HUNK: variants seen among roughly 807,000 people sequenced by gnomAD.
The protein encoded by HUNK is hormonally up-regulated Neu-associated kinase.
HUNK carries 21 observed loss-of-function variants against 61.0 expected under a neutral mutation model. The ratio of observed to expected loss-of-function variants is 0.34; its 90% CI spans 0.24 to 0.50. HUNK has a LOEUF of 0.50. Among genes scored for constraint, HUNK ranks in the 20% least tolerant of loss-of-function variants. The pLI is 0.98. For missense variants in HUNK, 772 were observed against 945.7 expected, an observed-to-expected ratio of 0.82 and a Z score of 2.41; for synonymous variants, 371 against 386.1, an observed-to-expected ratio of 0.96 and a Z score of 0.46.
intron 2 of HUNK, among the ~76,000 whole-genome samples, chr21:31,937,526 C>T (rs2052740555): frequency 6.6e-6 from 1 of 152,154 alleles, no homozygotes; most frequent in Non-Finnish European, 1.5e-5. Context: ...TTTAAAAATA[C>T]TTTATCTCAA....
At chr21:31,996,512 G>C (rs1172853030) in intron 10 of HUNK, among the ~76,000 whole-genome samples, 2 of 152,164 alleles carry the variant, frequency 1.3e-5, no homozygotes, top group Non-Finnish European at 2.9e-5. Flanking sequence ...GCCCATCACA[G>C]ATAACTGACA....
At chr21:31,951,870 G>T (rs1207659086) in intron 4 of HUNK, among the ~76,000 whole-genome samples, 1 of 152,244 alleles carries the variant, frequency 6.6e-6, no homozygotes, top group Non-Finnish European at 1.5e-5. Context: ...GATGGTATTA[G>T]TGTTTTCTCT....
Position 32,000,106 on chromosome 21 carries a change from A to G in HUNK, c.*922A>G. The G allele has an allele frequency of 2.5e-6, 1 of 398,606 alleles. No homozygotes were observed. Among genetic ancestry groups the G allele is most frequent in the Non-Finnish European group, 4.4e-6 (1 of 226,064 alleles). 24.7% of individuals were successfully genotyped at this position (398,606 alleles called of 1,614,324 possible). A position where few individuals can be genotyped will look rare whatever the true frequency, so the allele number is the denominator to read the frequency against. On this transcript the variant is annotated 3_prime_UTR_variant, in exon 11 of 11. Transcript: ENST00000270112. ...AAGGCATAGCCCTGATCCTTCTGGAAGGCATAGAACACGGTTACAGCTGGT... is the reference window on the plus strand; with the variant it reads ...AAGGCATAGCCCTGATCCTTCTGGAGGGCATAGAACACGGTTACAGCTGGT...
chr21:31,963,940 C>T (rs2052946127), intron 5 of HUNK, among the ~76,000 whole-genome samples: 1 of 152,202 alleles, frequency 6.6e-6, no homozygotes, highest in Non-Finnish European at 1.5e-5. Context: ...AAGAACTGCC[C>T]TTCATTCATC....
intron 5 of HUNK, 124 bp from the exon 6 acceptor site, chr21:31,968,126 G>A: frequency 8.6e-7 from 1 of 1,158,734 alleles, no homozygotes; most frequent in Non-Finnish European, 1.2e-6. Flanking sequence ...ACCTAGAGAA[G>A]AGATCACCCC....
intron 5 of HUNK, among the ~76,000 whole-genome samples, chr21:31,967,412 A>G (rs367865167): frequency 4.6e-5 from 7 of 152,136 alleles, no homozygotes; most frequent in African/African-American, 1.7e-4. Flanking sequence ...TGCATTATAA[A>G]CGCATTTTTA....
chr21:31,877,601 A>G (rs1383629227), intron 1 of HUNK, among the ~76,000 whole-genome samples: 1 of 152,194 alleles, frequency 6.6e-6, no homozygotes, highest in African/African-American at 2.4e-5. Flanking sequence ...TCACTTGGCC[A>G]TGTGAAACTC....
chr21:31,940,250 G>C, intron 3 of HUNK, 30 bp downstream of exon 3: 1 of 1,405,538 alleles, frequency 7.1e-7, no homozygotes, highest in Non-Finnish European at 9.9e-7. Context: ...TTAAGCAAAA[G>C]TATCTTTTAA....
intron 1 of HUNK, among the ~76,000 whole-genome samples, chr21:31,920,457 A>G (rs778784622): frequency 6.6e-6 from 1 of 152,218 alleles, no homozygotes; most frequent in Admixed American, 6.5e-5. Flanking sequence ...TGTTTACAGT[A>G]CTTGTAAGAA....
At chr21:31,983,749 G>A (rs768089002) in intron 8 of HUNK, 140 bp downstream of exon 8, 11 of 634,372 alleles carry the variant, frequency 1.7e-5, no homozygotes, top group Non-Finnish European at 1.1e-5. Flanking sequence ...GAGCCCTTGA[G>A]AAATGGTTTA....
intron 1 of HUNK, among the ~76,000 whole-genome samples, chr21:31,886,665 C>CTTT (rs71193155): frequency 3.7e-4 from 55 of 146,956 alleles, no homozygotes; most frequent in Admixed American, 5.4e-4. Context: ...TCAGAAAATA[C>CTTT]TTTTTTTTTT....
chr21:31,980,845 TAGGCATGCGCC>T (rs1202557484), intron 7 of HUNK, among the ~76,000 whole-genome samples: 1 of 152,200 alleles, frequency 6.6e-6, no homozygotes, highest in Non-Finnish European at 1.5e-5. Flanking sequence ...GCTGTGATTA[TAGGCATGCGCC>T]ACCATGCCCA....
intron 8 of HUNK, 117 bp downstream of exon 8, chr21:31,983,726 T>TAA: frequency 1.4e-6 from 1 of 722,070 alleles, no homozygotes; most frequent in African/African-American, 1.8e-5. Flanking sequence ...GACACATACT[T>TAA]ACGCTCATAA....
At chr21:31,987,750 C>T (rs1458334639) in intron 8 of HUNK, among the ~76,000 whole-genome samples, 2 of 152,202 alleles carry the variant, frequency 1.3e-5, no homozygotes, top group African/African-American at 2.4e-5. Context: ...ACTTGTCTCC[C>T]GAGGAACCTA....
At chr21:31,966,181 T>C (rs1336527222) in intron 5 of HUNK, among the ~76,000 whole-genome samples, 1 of 152,196 alleles carries the variant, frequency 6.6e-6, no homozygotes, top group Non-Finnish European at 1.5e-5. Flanking sequence ...CATTCCTGGG[T>C]TACTTCACTT....
At chr21:31,982,530 T>G (rs1479142848) in intron 7 of HUNK, among the ~76,000 whole-genome samples, 1 of 152,242 alleles carries the variant, frequency 6.6e-6, no homozygotes, top group East Asian at 1.9e-4. Flanking sequence ...CTCTTTTGGT[T>G]TCCTCTTTTT....
At chr21:31,931,813 A>G (rs573352032) in intron 2 of HUNK, among the ~76,000 whole-genome samples, 4 of 152,154 alleles carry the variant, frequency 2.6e-5, no homozygotes, top group African/African-American at 9.6e-5. Context: ...CCCTCAGCCT[A>G]GACCTCCTGG....
intron 1 of HUNK, among the ~76,000 whole-genome samples, chr21:31,922,475 C>A (rs1164884643): frequency 6.6e-6 from 1 of 151,996 alleles, no homozygotes; most frequent in Non-Finnish European, 1.5e-5. Flanking sequence ...TCCAGGCATC[C>A]ACCACCACGC....
intron 1 of HUNK, among the ~76,000 whole-genome samples, chr21:31,889,940 A>C (rs2123792306): frequency 6.6e-6 from 1 of 152,320 alleles, no homozygotes; most frequent in South Asian, 2.1e-4. Context: ...TATTTTTAAA[A>C]AGTCTAATAT....
Sources: gnomAD v4.1 joint callset for allele counts (sites outside exome capture counted in the v4.1 genomes callset) on GRCh38, gnomAD v4.1.1 for gene constraint, MANE v1.5 for transcripts, NCBI Gene and HGNC (gene_info 2026-07-23, HGNC 2026-07-21) for gene names.